The following LRP1 variants were observed in gnomAD, a reference collection of about 807,000 sequenced individuals.
LRP1 encodes the protein prolow-density lipoprotein receptor-related protein 1.
In LRP1, 51 loss-of-function variants were observed where a neutral mutation model predicts 541.5. That is an observed-to-expected ratio of 0.09 (90% CI 0.08 to 0.12). The LOEUF (loss-of-function observed/expected upper bound fraction) is 0.12, where lower values mean the gene tolerates loss of function less well. Among genes scored for constraint, LRP1 ranks in the 10% least tolerant of loss-of-function variants. The probability of loss-of-function intolerance (pLI) is 1.00; values close to 1 mark genes in which losing one functional copy is unlikely to be tolerated. For missense variants in LRP1, 3,878 were observed against 6,376.2 expected, an observed-to-expected ratio of 0.61 and a Z score of 13.34; for synonymous variants, 2,219 against 2,470.8, an observed-to-expected ratio of 0.90 and a Z score of 3.02.
chr12:57,166,184 A>G lies in LRP1; in HGVS notation c.2772A>G (p.Glu924=), dbSNP rs765621107. ...GGGACAATGACTGTGGGAACAGTGA[A>G]GATGAGTCCAATGCCACTTGTTCAG... ...CDGDNDCGNS[E]DESNATCSAR... is the part of the protein sequence containing the mutation. The change falls in exon 17 of 89, where the codon GAA becomes GAG. Residue 924 remains glutamate, a synonymous_variant. Coordinates refer to ENST00000243077, the MANE Select transcript of LRP1 (RefSeq NM_002332.3). 6 of 1,612,948 alleles carry G rather than the reference A, an allele frequency of 3.7e-6. No individual in the cohort carries two copies. The highest frequency in any genetic ancestry group is 4.2e-6 in the Non-Finnish European group (5 of 1,179,480).
At chr12:57,149,383 C>T (rs936419457) in intron 6 of LRP1, 1 of 541,258 alleles carries the variant, frequency 1.8e-6, no homozygotes, top group African/African-American at 1.9e-5. Flanking sequence ...CGGGCCAGCC[C>T]TGTGTCTCCC....
intron 68 of LRP1, chr12:57,202,905 C>T (rs34485600): frequency 4.7e-4 from 269 of 569,484 alleles, no homozygotes; most frequent in African/African-American, 4.4e-3. Flanking sequence ...GTCTTGCCCC[C>T]GCTCCCCTCC....
intron 1 of LRP1, among the ~76,000 whole-genome samples, chr12:57,130,555 G>A (rs1250483732): frequency 1.3e-5 from 2 of 152,012 alleles, no homozygotes; most frequent in African/African-American, 2.4e-5. Flanking sequence ...TCTCAGCCCT[G>A]TGAGGTGAGA....
Position 57,201,287 on chromosome 12 carries a change from C to A in LRP1, c.10345+134C>A. On this transcript the variant is annotated intron_variant, in intron 65 of 88. Coordinates refer to ENST00000243077, the MANE Select transcript of LRP1 (RefSeq NM_002332.3). This position sits in a 1 kb window ranked among gnomAD's most constrained non-coding sequence, Gnocchi z 6.4. ...GCAACACAAATTATATTGGGTGTAA[C>A]TTGCTTTGCTCATAAAAATCATCAT... The A allele has an allele frequency of 7.1e-7, 1 of 1,417,236 alleles. No homozygotes were observed. Among genetic ancestry groups the A allele is most frequent in the Non-Finnish European group, 9.6e-7 (1 of 1,036,388 alleles). The allele number at this position is 1,417,236 out of a possible 1,614,324, so 87.8% of individuals were successfully genotyped here. A position where few individuals can be genotyped will look rare whatever the true frequency, so the allele number is the denominator to read the frequency against.
In LRP1 at chr12:57,156,802, C is replaced by G; in HGVS notation, c.1443C>G (p.Asp481Glu). The change falls in exon 10 of 89, where the codon GAC becomes GAG. Residue 481 changes from aspartate (D) to glutamate (E), a missense_variant. By Grantham distance (45) the Asp-to-Glu change is conservative (BLOSUM62 2). Around this residue, in one of 13 missense-constraint regions of LRP1, gnomAD observed 496 missense variants for 861.0 expected, o/e 0.58. Coordinates refer to ENST00000243077, the MANE Select transcript of LRP1 (RefSeq NM_002332.3). The surrounding 1 kb of genome is among the most constrained non-coding windows in gnomAD (Gnocchi z 5.2). ...PRVRSHACEN[D>E]QYGKPGGCSD... ...TGAGGAGCCATGCCTGTGAAAACGACCAGTATGGGAAGCCGGGTGGCTGCT... is the reference window on the plus strand; with the variant it reads ...TGAGGAGCCATGCCTGTGAAAACGAGCAGTATGGGAAGCCGGGTGGCTGCT... 6.2e-7 allele frequency: 1 copy of G among 1,609,824 alleles called. No individual in the cohort carries two copies. Among genetic ancestry groups the G allele is most frequent in the African/African-American group, 1.3e-5 (1 of 75,014 alleles).
chr12:57,135,024 G>A (rs1462450657), intron 1 of LRP1, among the ~76,000 whole-genome samples: 1 of 152,116 alleles, frequency 6.6e-6, no homozygotes, highest in Admixed American at 6.6e-5. Context: ...TTCTTAACCC[G>A]GCTGCATCCC....
rs2036203469 is a variant in LRP1 at position 57,183,270 on chromosome 12, T to G, written c.5663-109T>G. 1.2e-5 allele frequency: 14 copies of G among 1,164,420 alleles called. No individual in the cohort carries two copies. The highest frequency in any genetic ancestry group is 1.6e-5 in the Non-Finnish European group (13 of 811,576). The allele number at this position is 1,164,420 out of a possible 1,614,324, so 72.1% of individuals were successfully genotyped here. ...GCTGGGTGGAGGATAGGGATGATGG[T>G]GGGGGGGGATGATATCAAAGGAGAA... is the stretch of plus-strand genomic sequence containing the variant. On this transcript the variant is annotated intron_variant, in intron 34 of 88. Coordinates refer to ENST00000243077, the MANE Select transcript of LRP1 (RefSeq NM_002332.3). This position sits in a 1 kb window ranked among gnomAD's most constrained non-coding sequence, Gnocchi z 6.1.
At chr12:57,137,039 C>T (rs768303739) in intron 1 of LRP1, among the ~76,000 whole-genome samples, 3 of 151,958 alleles carry the variant, frequency 2.0e-5, no homozygotes, top group South Asian at 2.1e-4. Context: ...GTTGGGAGTT[C>T]GAGACCAGCC....
In LRP1 at chr12:57,211,695, GGCA is replaced by G; in HGVS notation, c.13194-50_13194-48del. On this transcript the variant is annotated intron_variant, in intron 85 of 88. Transcript: ENST00000243077. This position sits in a 1 kb window ranked among gnomAD's most constrained non-coding sequence, Gnocchi z 4.3. ...TGCCCACCCCCCGCCCTGTTTTCCT[GGCA>G]GCAGTGGCTATGGAGGTTATACCTA... 1 of 1,599,686 alleles carries G rather than the reference GGCA, an allele frequency of 6.3e-7. No individual in the cohort carries two copies. The highest frequency in any genetic ancestry group is 2.2e-5 in the East Asian group (1 of 44,446).
rs369861859 is a variant in LRP1 at position 57,156,764 on chromosome 12, A to C, written c.1418-13A>C. 4 of 1,600,098 alleles carry C rather than the reference A, an allele frequency of 2.5e-6. No homozygotes were observed. In the South Asian group the frequency reaches 4.4e-5, roughly 18 times the overall value. On this transcript the variant is annotated splice_polypyrimidine_tract_variant and intron_variant, in intron 9 of 88. Transcript: ENST00000243077. The surrounding 1 kb of genome is among the most constrained non-coding windows in gnomAD (Gnocchi z 5.2). ...CTCTGAGGGGTCCTAACAGCTCTTC[A>C]CCCTGCCCCCAGTGAGGAGCCATGC...
intron 3 of LRP1, 106 bp downstream of exon 3, chr12:57,141,617 G>T: frequency 1.4e-6 from 2 of 1,383,014 alleles, no homozygotes; most frequent in Non-Finnish European, 2.0e-6. Context: ...GCCTTGTCCT[G>T]GTCCCCTGCC....
rs2036947573 is a variant in LRP1, at chr12:57,212,819, C to T, written c.*264C>T. On this transcript the variant is annotated 3_prime_UTR_variant, in exon 89 of 89. Transcript: ENST00000243077. The surrounding 1 kb of genome is among the most constrained non-coding windows in gnomAD (Gnocchi z 5.0). Reference sequence around the variant, plus strand: ...GAGGGCTTGGGGCTGCACCTCCTACCCTCCCACCAGAACGCACCCCACTGG... The same window carrying T: ...GAGGGCTTGGGGCTGCACCTCCTACTCTCCCACCAGAACGCACCCCACTGG... 1.6e-5 allele frequency: 7 copies of T among 436,290 alleles called. No homozygotes were observed. The South Asian group carries it at 1.8e-4, about 11-fold the overall frequency. The allele number at this position is 436,290 out of a possible 1,614,324, so 27.0% of individuals were successfully genotyped here. A position where few individuals can be genotyped will look rare whatever the true frequency, so the allele number is the denominator to read the frequency against.
Position 57,211,952 on chromosome 12 carries a change from G to A in LRP1, c.13284G>A (p.Leu4428=). The change falls in exon 87 of 89, where the codon CTG becomes CTA. Residue 4428 remains leucine (L), a synonymous_variant. Coordinates refer to ENST00000243077, the MANE Select transcript of LRP1 (RefSeq NM_002332.3). The surrounding 1 kb of genome is among the most constrained non-coding windows in gnomAD (Gnocchi z 4.3). ...ATATAGCCTCCATCCTAATCCCTCT[G>A]CTGTTGCTGCTGCTGCTGGTTCTGG... ...PGHIASILIP[L]LLLLLLVLVA... is the part of the protein sequence containing the mutation. 6.2e-7 allele frequency: 1 copy of A among 1,614,128 alleles called. No individual in the cohort carries two copies. Among genetic ancestry groups the A allele is most frequent in the South Asian group, 1.1e-5 (1 of 91,082 alleles).
At position 57,179,736 on chromosome 12, in the gene LRP1, C is replaced by G. The variant is rs771030379; in HGVS notation, c.4967-46C>G. ...GCACACTGGCTCCCCTCCTGACCCACTGCCCTGCAGACACCCAACAACTGA... is the reference window on the plus strand; with the variant it reads ...GCACACTGGCTCCCCTCCTGACCCAGTGCCCTGCAGACACCCAACAACTGA... On this transcript the variant is annotated intron_variant, in intron 29 of 88. Coordinates refer to ENST00000243077, the MANE Select transcript of LRP1 (RefSeq NM_002332.3). This position sits in a 1 kb window ranked among gnomAD's most constrained non-coding sequence, Gnocchi z 6.8. The G allele has an allele frequency of 6.3e-7, 1 of 1,581,686 alleles. No homozygotes were observed. The highest frequency in any genetic ancestry group is 1.1e-5 in the South Asian group (1 of 88,760).
Position 57,185,687 on chromosome 12 carries a change from C to T in LRP1, c.6620C>T (p.Thr2207Ile). 6.2e-7 allele frequency: 1 copy of T among 1,614,078 alleles called. No individual in the cohort carries two copies. Among genetic ancestry groups the T allele is most frequent in the Non-Finnish European group, 8.5e-7 (1 of 1,180,016 alleles). ...GGCTACCTGCTCTACTCAGAGCGCA[C>T]CATTCTCAAGAGTATCCACCTGTCG... ...YAGYLLYSER[T>I]ILKSIHLSDE... The change falls in exon 41 of 89, where the codon ACC becomes ATC. Residue 2207 changes from threonine to isoleucine, a missense_variant. This residue lies in a region of LRP1 where 1,100 missense variants were observed against 1,827.4 expected (regional missense o/e 0.60). Transcript: ENST00000243077. This position sits in a 1 kb window ranked among gnomAD's most constrained non-coding sequence, Gnocchi z 4.9.
Position 57,174,071 on chromosome 12 carries a change from G to A in LRP1, c.3547+91G>A, listed in dbSNP as rs547736532. Reference sequence around the variant, plus strand: ...CTTTGGGGGACCTGAGTCTAGGAGAGAGCAGCTCTGGCAGCCGGGCAGGCG... The same window carrying A: ...CTTTGGGGGACCTGAGTCTAGGAGAAAGCAGCTCTGGCAGCCGGGCAGGCG... On this transcript the variant is annotated intron_variant, in intron 22 of 88. Transcript: ENST00000243077. 3 of 1,342,514 alleles carry A rather than the reference G, an allele frequency of 2.2e-6. No individual in the cohort carries two copies. The African/African-American group carries it at 4.3e-5, about 19-fold the overall frequency. 83.2% of individuals were successfully genotyped at this position (1,342,514 alleles called of 1,614,324 possible). A position where few individuals can be genotyped will look rare whatever the true frequency, so the allele number is the denominator to read the frequency against.
intron 23 of LRP1, 91 bp downstream of exon 23, chr12:57,175,796 G>A: frequency 6.4e-7 from 1 of 1,554,910 alleles, no homozygotes. Flanking sequence ...CAAAGGCTGA[G>A]TTTTCCACCC....
Position 57,191,251 on chromosome 12 carries a change from C to T in LRP1, c.7237-69C>T, listed in dbSNP as rs549650045. On this transcript the variant is annotated intron_variant, in intron 43 of 88. Coordinates refer to ENST00000243077, the MANE Select transcript of LRP1 (RefSeq NM_002332.3). Reference sequence around the variant, plus strand: ...TGTAGCTGTCAGAGGCCAGGCCAGGCTGTGGTCCGGTGGAGACTGGGCAAG... The same window carrying T: ...TGTAGCTGTCAGAGGCCAGGCCAGGTTGTGGTCCGGTGGAGACTGGGCAAG... 1.6e-5 allele frequency: 23 copies of T among 1,452,604 alleles called. No individual in the cohort carries two copies. The African/African-American group carries it at 3.1e-4, about 19-fold the overall frequency. 90.0% of individuals were successfully genotyped at this position (1,452,604 alleles called of 1,614,324 possible).
chr12:57,209,417 G>A (rs1002151383), intron 79 of LRP1, among the ~76,000 whole-genome samples: 1 of 152,244 alleles, frequency 6.6e-6, no homozygotes, highest in African/African-American at 2.4e-5. Context: ...CCATTCATTG[G>A]TTGGGTTGCA....
Sources: allele counts gnomAD v4.1 joint callset (sites outside exome capture counted in the v4.1 genomes callset), GRCh38; gene constraint gnomAD v4.1.1; regional missense constraint gnomAD v4.1.1; non-coding constraint Gnocchi (gnomAD v3.1); transcripts MANE v1.5; gene names NCBI Gene and HGNC (gene_info 2026-07-23, HGNC 2026-07-21).